AKR1D1: variants seen among roughly 807,000 people sequenced by gnomAD.
AKR1D1 encodes delta(4)-3-ketosteroid 5-beta-reductase.
A neutral mutation model predicts 42.6 loss-of-function variants in AKR1D1; 32 were observed. That is an observed-to-expected ratio of 0.75 (90% CI 0.57 to 1.01). The LOEUF (loss-of-function observed/expected upper bound fraction) is 1.01. AKR1D1 is among the 50% of genes least tolerant of loss of function. The pLI is 0.00. For synonymous variants in AKR1D1, 123 were observed against 135.5 expected (o/e 0.91, Z 0.64); for missense variants, 364 against 402.2 (o/e 0.91, Z 0.81).
intron 6 of AKR1D1, 151 bp downstream of exon 6, chr7:138,106,868 G>A: frequency 1.4e-6 from 1 of 709,268 alleles, no homozygotes; most frequent in Middle Eastern, 2.4e-4. Flanking sequence ...ATACTTTCCT[G>A]ACTGAGCTGT....
intron 2 of AKR1D1, among the ~76,000 whole-genome samples, chr7:138,090,345 G>A (rs756735821): frequency 6.6e-6 from 1 of 152,060 alleles, no homozygotes; most frequent in Non-Finnish European, 1.5e-5. Flanking sequence ...ACCAAAAAAA[G>A]TATGATTCAG....
At chr7:138,105,552 C>A in intron 5 of AKR1D1, 123 bp downstream of exon 5, 1 of 1,403,670 alleles carries the variant, frequency 7.1e-7, no homozygotes, top group Non-Finnish European at 9.9e-7. Context: ...ATCATGGGAC[C>A]CTGTGCAAGT....
chr7:138,103,305 C>T (rs1382942650), intron 4 of AKR1D1, among the ~76,000 whole-genome samples: 1 of 151,872 alleles, frequency 6.6e-6, no homozygotes, highest in African/African-American at 2.4e-5. Flanking sequence ...ATATTAAGAT[C>T]AAATAATAAA....
chr7:138,106,678 C>A lies in AKR1D1; in HGVS notation c.650C>A (p.Thr217Asn), dbSNP rs940741321. Residue 217 changes from threonine to asparagine, a missense_variant, in exon 6 of 9, where the codon ACT becomes AAT. Physicochemically the swap from Thr to Asn is moderately conservative, Grantham distance 65 (BLOSUM62 0). Transcript: ENST00000242375. ...TGCCAACAACATGACATTGTCATTA[C>A]TGCATATAGCCCTTTGGGGACCAGT... ...KFCQQHDIVI[T>N]AYSPLGTSRN... The A allele has an allele frequency of 6.2e-7, 1 of 1,613,974 alleles. No individual in the cohort carries two copies. The highest frequency in any genetic ancestry group is 8.5e-7 in the Non-Finnish European group (1 of 1,179,890).
chr7:138,107,147 A>G (rs1295577523), intron 6 of AKR1D1: 4 of 619,520 alleles, frequency 6.5e-6, no homozygotes, highest in Non-Finnish European at 1.2e-5. Flanking sequence ...CTTTCCCTGT[A>G]TGCCAGCTCT....
chr7:138,098,149 G>A, intron 4 of AKR1D1: 1 of 526,130 alleles, frequency 1.9e-6, no homozygotes, highest in Non-Finnish European at 3.3e-6. Flanking sequence ...TTGCTGGAAT[G>A]CCAAAGAAAA....
intron 1 of AKR1D1, among the ~76,000 whole-genome samples, chr7:138,086,586 A>G (rs896112665): frequency 2.0e-5 from 3 of 152,180 alleles, no homozygotes; most frequent in Non-Finnish European, 4.4e-5. Flanking sequence ...GAAAAAATAC[A>G]ATATATGTCC....
intron 5 of AKR1D1, 52 bp downstream of exon 5, chr7:138,105,481 A>G (rs777565431): frequency 1.2e-6 from 2 of 1,611,580 alleles, no homozygotes; most frequent in Admixed American, 3.3e-5. Context: ...CAGGATTTAC[A>G]TGACACAAAG....
At position 138,113,384 on chromosome 7, in the gene AKR1D1, A is replaced by C. The variant is rs140919957; in HGVS notation, c.856-306A>C. ...GTGTAAGACAGTAGTTCAGAATCAAAAGACCAGCATTTCATACAGAAATAA... is the reference window on the plus strand; with the variant it reads ...GTGTAAGACAGTAGTTCAGAATCAACAGACCAGCATTTCATACAGAAATAA... On this transcript the variant is annotated intron_variant, in intron 7 of 8. Coordinates refer to ENST00000242375, the MANE Select transcript of AKR1D1 (RefSeq NM_005989.4). Among the ~76,000 whole-genome samples the C allele has an allele frequency of 1.4e-3, 213 of 152,322 alleles. 2 individuals are homozygous for C. Among genetic ancestry groups the C allele is most frequent in the African/African-American group, 4.7e-3 (196 of 41,578 alleles).
intron 7 of AKR1D1, among the ~76,000 whole-genome samples, chr7:138,107,796 C>T (rs1448870055): frequency 6.6e-6 from 1 of 152,074 alleles, no homozygotes; most frequent in Non-Finnish European, 1.5e-5. Context: ...GTACACTATC[C>T]AGATCTCTTA....
chr7:138,092,906 T>C (rs537771845), intron 3 of AKR1D1, among the ~76,000 whole-genome samples: 1 of 152,298 alleles, frequency 6.6e-6, no homozygotes, highest in South Asian at 2.1e-4. Context: ...CTGGAGACTT[T>C]ATAAACACTG....
At chr7:138,091,647 T>C (rs1167515513) in intron 2 of AKR1D1, 121 bp from the exon 3 acceptor site, 1 of 735,018 alleles carries the variant, frequency 1.4e-6, no homozygotes, top group Non-Finnish European at 2.4e-6. Flanking sequence ...CTGGGCAACA[T>C]AGTGAGACCC....
intron 8 of AKR1D1, among the ~76,000 whole-genome samples, chr7:138,115,240 C>T (rs553579566): frequency 7.2e-5 from 11 of 152,088 alleles, no homozygotes; most frequent in Admixed American, 5.9e-4. Flanking sequence ...GCTAGGAGTT[C>T]GACACCAGCC....
chr7:138,077,836 T>A (rs193146554), intron 1 of AKR1D1, among the ~76,000 whole-genome samples: 1 of 152,278 alleles, frequency 6.6e-6, no homozygotes, highest in Admixed American at 6.5e-5. Context: ...GGATATATGA[T>A]ATATCCAGTG....
At chr7:138,104,988 A>G (rs1411525122) in intron 4 of AKR1D1, among the ~76,000 whole-genome samples, 1 of 151,996 alleles carries the variant, frequency 6.6e-6, no homozygotes, top group Non-Finnish European at 1.5e-5. Context: ...TGAACTCCTG[A>G]CCTCAAGTGA....
chr7:138,111,556 G>A (rs1405348298), intron 7 of AKR1D1, among the ~76,000 whole-genome samples: 5 of 152,122 alleles, frequency 3.3e-5, no homozygotes, highest in Non-Finnish European at 7.3e-5. Flanking sequence ...AAACTGTAGG[G>A]GAAGCAGTTT....
At chr7:138,077,057 A>C (rs1281096451) in intron 1 of AKR1D1, among the ~76,000 whole-genome samples, 2 of 152,186 alleles carry the variant, frequency 1.3e-5, no homozygotes, top group African/African-American at 4.8e-5. Context: ...CTAGGGATTA[A>C]AAATCAAATA....
chr7:138,080,984 G>A (rs1254144128), intron 1 of AKR1D1, among the ~76,000 whole-genome samples: 1 of 151,758 alleles, frequency 6.6e-6, no homozygotes, highest in Non-Finnish European at 1.5e-5. Context: ...ACAGAGGACA[G>A]CCGTAATTGA....
chr7:138,099,967 A>T (rs1794258459), intron 4 of AKR1D1, among the ~76,000 whole-genome samples: 1 of 151,594 alleles, frequency 6.6e-6, no homozygotes, highest in Non-Finnish European at 1.5e-5. Flanking sequence ...AGTCCCAGCT[A>T]CTTGGAATTC....
Sources: gnomAD v4.1 joint callset for allele counts (sites outside exome capture counted in the v4.1 genomes callset) on GRCh38, gnomAD v4.1.1 for gene constraint, MANE v1.5 for transcripts, NCBI Gene and HGNC (gene_info 2026-07-23, HGNC 2026-07-21) for gene names.